MLLT3: variants seen among roughly 807,000 people sequenced by gnomAD.
MLLT3 encodes MLLT3 super elongation complex subunit.
MLLT3 carries 4 observed loss-of-function variants against 53.2 expected under a neutral mutation model. That is an observed-to-expected ratio of 0.08 (90% CI 0.04 to 0.17). The LOEUF (loss-of-function observed/expected upper bound fraction) is 0.17, where lower values mean the gene tolerates loss of function less well. Ranked by LOEUF, MLLT3 falls within the 10% of genes least tolerant of loss-of-function variation. The pLI is 1.00. For synonymous variants in MLLT3, 283 were observed against 230.6 expected, an observed-to-expected ratio of 1.23 and a Z score of -2.06; for missense variants, 569 against 684.0, an observed-to-expected ratio of 0.83 and a Z score of 1.87.
intron 5 of MLLT3, among the ~76,000 whole-genome samples, chr9:20,402,597 A>C (rs535841505): frequency 6.6e-6 from 1 of 152,290 alleles, no homozygotes; most frequent in African/African-American, 2.4e-5. Context: ...TTTATTATGA[A>C]ACAATACTGA....
chr9:20,535,561 A>G (rs1011080095), intron 2 of MLLT3, among the ~76,000 whole-genome samples: 26 of 152,314 alleles, frequency 1.7e-4, no homozygotes, highest in Middle Eastern at 3.4e-3. Context: ...TCAATCATAA[A>G]ATATTTGAGT....
chr9:20,578,172 G>C (rs1428739711), intron 2 of MLLT3, among the ~76,000 whole-genome samples: 1 of 152,178 alleles, frequency 6.6e-6, no homozygotes, highest in Admixed American at 6.6e-5. Context: ...CTGTACTACA[G>C]TCAGCTCTTC....
At chr9:20,509,018 G>C (rs1825453379) in intron 2 of MLLT3, among the ~76,000 whole-genome samples, 1 of 152,228 alleles carries the variant, frequency 6.6e-6, no homozygotes, top group Non-Finnish European at 1.5e-5. Context: ...ATGTACATCA[G>C]TGGGAATCAG....
chr9:20,550,882 C>T (rs953016295), intron 2 of MLLT3, among the ~76,000 whole-genome samples: 29 of 152,260 alleles, frequency 1.9e-4, no homozygotes, highest in African/African-American at 7.0e-4. Flanking sequence ...CTCAGCTTCC[C>T]AAGTAGCTAG....
chr9:20,568,869 T>C (rs746667738), intron 2 of MLLT3, among the ~76,000 whole-genome samples: 2 of 152,150 alleles, frequency 1.3e-5, no homozygotes, highest in Non-Finnish European at 2.9e-5. Flanking sequence ...AATAAAGACA[T>C]TGAGGTTGAG....
At chr9:20,602,483 T>C (rs904582998) in intron 2 of MLLT3, among the ~76,000 whole-genome samples, 2 of 152,124 alleles carry the variant, frequency 1.3e-5, no homozygotes, top group Admixed American at 6.6e-5. Context: ...TACTCTCACA[T>C]GGCTTATAAA....
chr9:20,408,786 C>A (rs887618627), intron 5 of MLLT3, among the ~76,000 whole-genome samples: 1 of 152,128 alleles, frequency 6.6e-6, no homozygotes, highest in African/African-American at 2.4e-5. Flanking sequence ...AACAGCAGGA[C>A]GTTTACTACC....
At chr9:20,557,765 C>A (rs535179326) in intron 2 of MLLT3, among the ~76,000 whole-genome samples, 1 of 152,068 alleles carries the variant, frequency 6.6e-6, no homozygotes, top group Non-Finnish European at 1.5e-5. Context: ...TTTTAATTAG[C>A]GAGTAATTCT....
intron 2 of MLLT3, among the ~76,000 whole-genome samples, chr9:20,491,704 A>C (rs1214769466): frequency 6.6e-6 from 1 of 152,166 alleles, no homozygotes; most frequent in Non-Finnish European, 1.5e-5. Flanking sequence ...CAAAAAGTAC[A>C]AATGGGAGAA....
chr9:20,605,274 C>T (rs1009678265), intron 2 of MLLT3, among the ~76,000 whole-genome samples: 1 of 152,082 alleles, frequency 6.6e-6, no homozygotes, highest in Non-Finnish European at 1.5e-5. Context: ...CATTACATAT[C>T]ATCATCTGGT....
chr9:20,559,066 G>A (rs551306095), intron 2 of MLLT3, among the ~76,000 whole-genome samples: 2 of 152,282 alleles, frequency 1.3e-5, no homozygotes, highest in South Asian at 4.1e-4. Flanking sequence ...TATGGCCCAG[G>A]AACCCTGTAG....
At position 20,612,400 on chromosome 9, in the gene MLLT3, G is replaced by A. The variant is rs76780387; in HGVS notation, c.193+8254C>T. ...GTATCCTACATATATATTGCCTTTT[G>A]GTTAAGCACATTACTATGGCCACGA... is the stretch of plus-strand genomic sequence containing the variant. On this transcript the variant is annotated intron_variant, in intron 2 of 10. Coordinates refer to ENST00000380338, the MANE Select transcript of MLLT3 (RefSeq NM_004529.4). Among the ~76,000 whole-genome samples the A allele has an allele frequency of 2.9e-3, 441 of 152,158 alleles. 3 individuals are homozygous for A. The highest frequency in any genetic ancestry group is 0.01 in the African/African-American group (418 of 41,506).
intron 9 of MLLT3, 123 bp from the exon 10 acceptor site, chr9:20,353,719 G>A: frequency 2.5e-6 from 2 of 802,816 alleles, no homozygotes; most frequent in Non-Finnish European, 4.2e-6. Flanking sequence ...CACCACTCTA[G>A]CCCAGGCTGT....
intron 5 of MLLT3, among the ~76,000 whole-genome samples, chr9:20,385,536 ATGTC>A: frequency 6.6e-6 from 1 of 152,304 alleles, no homozygotes; most frequent in Non-Finnish European, 1.5e-5. Flanking sequence ...AAATAACAAA[ATGTC>A]TGTTTTTGGT....
intron 2 of MLLT3, among the ~76,000 whole-genome samples, chr9:20,461,113 C>T (rs1266487029): frequency 1.3e-5 from 2 of 152,160 alleles, no homozygotes; most frequent in Non-Finnish European, 2.9e-5. Context: ...TAATTAATCC[C>T]ATGTACCATG....
intron 2 of MLLT3, among the ~76,000 whole-genome samples, chr9:20,578,968 T>A (rs2131172072): frequency 6.6e-6 from 1 of 152,344 alleles, no homozygotes; most frequent in South Asian, 2.1e-4. Context: ...CTAGAAAACC[T>A]AAAATTGCAA....
chr9:20,512,989 C>T (rs577145457), intron 2 of MLLT3, among the ~76,000 whole-genome samples: 3 of 152,364 alleles, frequency 2.0e-5, no homozygotes, highest in South Asian at 4.1e-4. Context: ...ACATAAGACA[C>T]CATATTAAGA....
intron 2 of MLLT3, among the ~76,000 whole-genome samples, chr9:20,538,450 C>T (rs1307660157): frequency 6.6e-6 from 1 of 152,116 alleles, no homozygotes; most frequent in Admixed American, 6.5e-5. Flanking sequence ...TTAAACAATC[C>T]CAACCTTCTT....
At chr9:20,439,171 C>T (rs749031862) in intron 4 of MLLT3, among the ~76,000 whole-genome samples, 11 of 151,982 alleles carry the variant, frequency 7.2e-5, no homozygotes, top group Admixed American at 2.6e-4. Flanking sequence ...CTGACCAACA[C>T]GGTGAAACCC....
Sources: gnomAD v4.1 joint callset for allele counts (sites outside exome capture counted in the v4.1 genomes callset) on GRCh38, gnomAD v4.1.1 for gene constraint, MANE v1.5 for transcripts, NCBI Gene and HGNC (gene_info 2026-07-23, HGNC 2026-07-21) for gene names.